RXRB: variants seen among roughly 807,000 people sequenced by gnomAD.
The protein encoded by RXRB is retinoid X receptor beta.
Under a neutral mutation model 52.5 loss-of-function variants are expected in RXRB, and 18 were observed. The observed-to-expected ratio is 0.34, with a 90% CI of 0.24 to 0.51. The LOEUF is 0.51. RXRB is among the 20% of genes least tolerant of loss of function. The pLI is 0.97. For synonymous variants in RXRB, 233 were observed against 267.1 expected (o/e 0.87, Z 1.25); for missense variants, 455 against 698.2 (o/e 0.65, Z 3.92).
rs1025086423 is a variant in RXRB at position 33,199,827 on chromosome 6, C to T, written c.236-411G>A. On this transcript the variant is annotated intron_variant, in intron 1 of 9. Coordinates refer to ENST00000374680, the MANE Select transcript of RXRB (RefSeq NM_021976.5). ...AATACCAGGTCATCCCAAAGCCACA[C>T]CTGTCTCGTGGGTGGGGCAGCACGT... The T allele has an allele frequency of 7.3e-6, 4 of 551,418 alleles. No homozygotes were observed. The East Asian group carries it at 1.2e-4, about 17-fold the overall frequency. The allele number at this position is 551,418 out of a possible 1,614,324, so 34.2% of individuals were successfully genotyped here.
At position 33,196,535 on chromosome 6, in the gene RXRB, C is replaced by T; in HGVS notation, c.892G>A (p.Glu298Lys). The T allele has an allele frequency of 6.2e-7, 1 of 1,612,944 alleles. No individual in the cohort carries two copies. The highest frequency in any genetic ancestry group is 8.5e-7 in the Non-Finnish European group (1 of 1,179,922). ...DGEGAGGAPE[E>K]MPVDRILEAE... ...TCCAGGATCCTGTCCACAGGCATCTCCTCGGGGGCTCCCCCAGCCCCCTCC... is the reference window on the plus strand; with the variant it reads ...TCCAGGATCCTGTCCACAGGCATCTTCTCGGGGGCTCCCCCAGCCCCCTCC... The change falls in exon 5 of 10, where the codon GAG becomes AAG. Residue 298 changes from glutamate to lysine, a missense_variant. Glu to Lys is a moderately conservative substitution (Grantham distance 56, BLOSUM62 1). This residue lies in a region of RXRB where 100 missense variants were observed against 141.9 expected (regional missense o/e 0.70). Transcript: ENST00000374680. This position sits in a 1 kb window ranked among gnomAD's most constrained non-coding sequence, Gnocchi z 4.0.
At position 33,195,473 on chromosome 6, in the gene RXRB, GTCAC is replaced by G; in HGVS notation, c.1257-23_1257-20del. ...CAGCACCCTGGAGAGGGACCTGCAG[GTCAC>G]TCAAAGGTCACAGCTCAGCCAGCCT... On this transcript the variant is annotated intron_variant, in intron 7 of 9. Transcript: ENST00000374680. The surrounding 1 kb of genome is among the most constrained non-coding windows in gnomAD (Gnocchi z 8.6). 1.9e-6 allele frequency: 3 copies of G among 1,612,044 alleles called. No homozygotes were observed. The highest frequency in any genetic ancestry group is 2.5e-6 in the Non-Finnish European group (3 of 1,179,110).
At position 33,194,697 on chromosome 6, in the gene RXRB, G is replaced by A. The variant is rs745691929; in HGVS notation, c.1587C>T (p.Pro529=). 1 of 1,613,048 alleles carries A rather than the reference G, an allele frequency of 6.2e-7. No homozygotes were observed. The highest frequency in any genetic ancestry group is 1.1e-5 in the South Asian group (1 of 91,074). ...GGGTCTGAGCTCAGGCCAGTTGATG[G>A]GGAGCCTCAAGCATCTCCATGAGGA... The part of the protein sequence containing the change: ...DTFLMEMLEA[P]HQLA The change falls in exon 10 of 10, where the codon CCC becomes CCT. Residue 529 remains proline (P), a synonymous_variant. Transcript: ENST00000374680. This position sits in a 1 kb window ranked among gnomAD's most constrained non-coding sequence, Gnocchi z 4.1.
Position 33,198,649 on chromosome 6 carries a change from GC to G in RXRB, c.484-186del, listed in dbSNP as rs370827892. 2,483 of 713,548 alleles carry G rather than the reference GC, an allele frequency of 3.5e-3. 53 individuals carry two copies. The highest frequency in any genetic ancestry group is 0.032 in the South Asian group (2,153 of 67,262). The allele number at this position is 713,548 out of a possible 1,614,324, so 44.2% of individuals were successfully genotyped here. On this transcript the variant is annotated intron_variant, in intron 2 of 9. Transcript: ENST00000374680. ...GCACAACCCCAAAGTGAATAAACAG[GC>G]CCCCCCTGAAATTGTGCAACACAGT...
In RXRB at chr6:33,195,349, A is replaced by T. The variant is rs763357097; in HGVS notation, c.1348+14T>A. 11 of 1,553,800 alleles carry T rather than the reference A, an allele frequency of 7.1e-6. No homozygotes were observed. Among genetic ancestry groups the T allele is most frequent in the Admixed American group, 5.0e-5 (3 of 59,942 alleles). On this transcript the variant is annotated intron_variant, in intron 8 of 9. Transcript: ENST00000374680. The surrounding 1 kb of genome is among the most constrained non-coding windows in gnomAD (Gnocchi z 8.6). ...TGCCTTGGCCTTGAGAGACAAAGGT[A>T]ATCCTCCTCTTACCTGGATTAAACA...
In RXRB at chr6:33,200,003, T is replaced by C. The variant is rs536734815; in HGVS notation, c.235+239A>G. 171 of 772,752 alleles carry C rather than the reference T, an allele frequency of 2.2e-4. 1 individual carries two copies. The highest frequency in any genetic ancestry group is 2.1e-3 in the South Asian group (156 of 73,964). 47.9% of individuals were successfully genotyped at this position (772,752 alleles called of 1,614,324 possible). On this transcript the variant is annotated intron_variant, in intron 1 of 9. Transcript: ENST00000374680. The surrounding 1 kb of genome is among the most constrained non-coding windows in gnomAD (Gnocchi z 6.3). ...TGAGGTTTAAGAGGAATCGTGCCCT[T>C]CCCAGGCCCGCGACCTCCGGTGCCC... is the stretch of plus-strand genomic sequence containing the variant.
Position 33,194,245 on chromosome 6 carries a change from C to T in RXRB, c.*437G>A, listed in dbSNP as rs1260314341. 1 of 158,462 alleles carries T rather than the reference C, an allele frequency of 6.3e-6. No individual in the cohort carries two copies. The highest frequency in any genetic ancestry group is 1.8e-4 in the East Asian group (1 of 5,416). The allele number at this position is 158,462 out of a possible 1,614,324, so 9.8% of individuals were successfully genotyped here. ...TTGAGAGGAGGAAGGCCTGTCAGGG[C>T]CCTACTCTCATGTCCATCAGCTTGG... On this transcript the variant is annotated 3_prime_UTR_variant, in exon 10 of 10. Transcript: ENST00000374680. This position sits in a 1 kb window ranked among gnomAD's most constrained non-coding sequence, Gnocchi z 4.1.
chr6:33,200,057 G>C lies in RXRB; in HGVS notation c.235+185C>G. The C allele has an allele frequency of 1.1e-6, 1 of 914,214 alleles. No homozygotes were observed. The highest frequency in any genetic ancestry group is 1.6e-5 in the African/African-American group (1 of 61,984). 56.6% of individuals were successfully genotyped at this position (914,214 alleles called of 1,614,324 possible). A position where few individuals can be genotyped will look rare whatever the true frequency, so the allele number is the denominator to read the frequency against. ...GCCTCAAGCGGTCACAGCTAGGAGGGCGGAAGCTCCCCTTCCCCGCCCCGC... is the reference window on the plus strand; with the variant it reads ...GCCTCAAGCGGTCACAGCTAGGAGGCCGGAAGCTCCCCTTCCCCGCCCCGC... On this transcript the variant is annotated intron_variant, in intron 1 of 9. Transcript: ENST00000374680. The surrounding 1 kb of genome is among the most constrained non-coding windows in gnomAD (Gnocchi z 6.3).
chr6:33,197,748 G>A lies in RXRB; in HGVS notation c.820+14C>T, dbSNP rs1222696348. Reference sequence around the variant, plus strand: ...GCATGTGGTCTAAGACGCCTGGGCAGGGCGGGTCCTTACCCTCCCTCTTCA... The same window carrying A: ...GCATGTGGTCTAAGACGCCTGGGCAAGGCGGGTCCTTACCCTCCCTCTTCA... On this transcript the variant is annotated intron_variant, in intron 4 of 9. Transcript: ENST00000374680. This position sits in a 1 kb window ranked among gnomAD's most constrained non-coding sequence, Gnocchi z 4.4. The A allele has an allele frequency of 6.2e-7, 1 of 1,613,366 alleles. No homozygotes were observed. Among genetic ancestry groups the A allele is most frequent in the Non-Finnish European group, 8.5e-7 (1 of 1,179,766 alleles).
At chr6:33,198,913 CAAAAAAAAAAA>C (rs9280361) in intron 2 of RXRB, among the ~76,000 whole-genome samples, 1 of 74,126 alleles carries the variant, frequency 1.3e-5, no homozygotes, top group Non-Finnish European at 2.7e-5. Context: ...GACTCCATCT[CAAAAAAAAAAA>C]AAAAAAAAAA....
chr6:33,195,181 G>C lies in RXRB; in HGVS notation c.1349-131C>G. Reference sequence around the variant, plus strand: ...GCCCTTTACCAGAGGCCTGGCAAGGGAAGCAGGGCCCACTGGGTTTGTGGG... The same window carrying C: ...GCCCTTTACCAGAGGCCTGGCAAGGCAAGCAGGGCCCACTGGGTTTGTGGG... On this transcript the variant is annotated intron_variant, in intron 8 of 9. Transcript: ENST00000374680. The surrounding 1 kb of genome is among the most constrained non-coding windows in gnomAD (Gnocchi z 8.6). The C allele has an allele frequency of 2.5e-6, 2 of 796,630 alleles. No homozygotes were observed. The highest frequency in any genetic ancestry group is 4.2e-6 in the Non-Finnish European group (2 of 472,014). 49.3% of individuals were successfully genotyped at this position (796,630 alleles called of 1,614,324 possible).
Position 33,199,219 on chromosome 6 carries a change from G to C in RXRB, c.433C>G (p.Leu145Val). 1 of 1,260,104 alleles carries C rather than the reference G, an allele frequency of 7.9e-7. No individual in the cohort carries two copies. The highest frequency in any genetic ancestry group is 1.0e-6 in the Non-Finnish European group (1 of 994,992). The allele number at this position is 1,260,104 out of a possible 1,614,324, so 78.1% of individuals were successfully genotyped here. ...VISSSMGSPG[L>V]PPPAPPGFSG... is the part of the protein sequence containing the mutation. ...AATCCTGGGGGAGCTGGAGGGGGCA[G>C]ACCAGGGGACCCCATGGAAGAACTG... is the stretch of plus-strand genomic sequence containing the variant. Residue 145 changes from leucine to valine, a missense_variant, in exon 2 of 10, where the codon CTG becomes GTG. By Grantham distance (32) the Leu-to-Val change is conservative. This residue lies in a region of RXRB where 225 missense variants were observed against 258.6 expected (regional missense o/e 0.87). Coordinates refer to ENST00000374680, the MANE Select transcript of RXRB (RefSeq NM_021976.5).
In RXRB at chr6:33,193,669, A is replaced by T. The variant is rs542881758; in HGVS notation, c.*1013T>A. 58 of 152,268 alleles carry T rather than the reference A, an allele frequency of 3.8e-4. No homozygotes were observed. The highest frequency in any genetic ancestry group is 1.3e-3 in the African/African-American group (56 of 41,530). 9.4% of individuals were successfully genotyped at this position (152,268 alleles called of 1,614,324 possible). On this transcript the variant is annotated 3_prime_UTR_variant, in exon 10 of 10. Coordinates refer to ENST00000374680, the MANE Select transcript of RXRB (RefSeq NM_021976.5). The stretch of plus-strand genomic sequence containing the variant: ...GCCCCAAAGAGAAGGGACGCAGGGC[A>T]AAAATCATGCAGCCCCAGCACCCCA...
Position 33,195,040 on chromosome 6 carries a change from G to C in RXRB, c.1359C>G (p.Gly453=). Residue 453 remains glycine, a synonymous_variant, in exon 9 of 10, where the codon GGC becomes GGG. Transcript: ENST00000374680. The surrounding 1 kb of genome is among the most constrained non-coding windows in gnomAD (Gnocchi z 8.6). ...CCTCCACCTCACTAGGGTTGGAGAG[G>C]CCCTTGGCATCTGGGATGGCAGGGA... ...AIILFNPDAK[G]LSNPSEVEVL... 3 of 1,610,952 alleles carry C rather than the reference G, an allele frequency of 1.9e-6. No homozygotes were observed. Among genetic ancestry groups the C allele is most frequent in the Non-Finnish European group, 2.5e-6 (3 of 1,178,254 alleles).
In RXRB at chr6:33,200,449, G is replaced by A. The variant is rs1321129139; in HGVS notation, c.28C>T (p.Leu10Phe). The change falls in exon 1 of 10, where the codon CTC becomes TTC. Residue 10 changes from leucine (L) to phenylalanine (F), a missense_variant. Physicochemically the swap from Leu to Phe is conservative, Grantham distance 22 (BLOSUM62 0). Transcript: ENST00000374680. This position sits in a 1 kb window ranked among gnomAD's most constrained non-coding sequence, Gnocchi z 6.3. MSWAARPPF[L>F]PQRHAAGQCG... ...TGCCCTGCGGCATGCCGCTGAGGGA[G>A]GAAGGGCGGGCGAGCGGCCCAAGAC... is the stretch of plus-strand genomic sequence containing the variant. 2 of 1,592,996 alleles carry A rather than the reference G, an allele frequency of 1.3e-6. No individual in the cohort carries two copies. Among genetic ancestry groups the A allele is most frequent in the African/African-American group, 2.7e-5 (2 of 74,776 alleles).
intron 3 of RXRB, 148 bp from the exon 4 acceptor site, chr6:33,198,089 G>A: frequency 1.9e-6 from 2 of 1,042,044 alleles, no homozygotes; most frequent in South Asian, 3.0e-5. Context: ...TGATGATCCA[G>A]TCCCAGTCTC....
chr6:33,195,724 A>G lies in RXRB; in HGVS notation c.1124-22T>C. ...CAGCCTGGGTGGGGCAGCAAGGGTC[A>G]GGAGCCAGAAATCAGGCCAAGGGAT... On this transcript the variant is annotated intron_variant, in intron 6 of 9. Coordinates refer to ENST00000374680, the MANE Select transcript of RXRB (RefSeq NM_021976.5). The surrounding 1 kb of genome is among the most constrained non-coding windows in gnomAD (Gnocchi z 8.6). 1 of 1,609,780 alleles carries G rather than the reference A, an allele frequency of 6.2e-7. No individual in the cohort carries two copies. Among genetic ancestry groups the G allele is most frequent in the Non-Finnish European group, 8.5e-7 (1 of 1,179,608 alleles).
rs1212665223 is a variant in RXRB at position 33,197,279 on chromosome 6, A to G, written c.820+483T>C. ...GGGTGTTTTGACCAAGATATGCTCT[A>G]AAGTGTCTCTCAGAATCCTAGGAAT... On this transcript the variant is annotated intron_variant, in intron 4 of 9. Coordinates refer to ENST00000374680, the MANE Select transcript of RXRB (RefSeq NM_021976.5). The surrounding 1 kb of genome is among the most constrained non-coding windows in gnomAD (Gnocchi z 4.4). Among the ~76,000 whole-genome samples, 1 of 152,232 alleles carries G rather than the reference A, an allele frequency of 6.6e-6. No homozygotes were observed. The highest frequency in any genetic ancestry group is 2.4e-5 in the African/African-American group (1 of 41,460).
At position 33,194,854 on chromosome 6, in the gene RXRB, A is replaced by T; in HGVS notation, c.1455-25T>A. The T allele has an allele frequency of 6.2e-7, 1 of 1,612,306 alleles. No individual in the cohort carries two copies. The highest frequency in any genetic ancestry group is 8.5e-7 in the Non-Finnish European group (1 of 1,179,632). On this transcript the variant is annotated intron_variant, in intron 9 of 9. Transcript: ENST00000374680. The surrounding 1 kb of genome is among the most constrained non-coding windows in gnomAD (Gnocchi z 4.1). The stretch of plus-strand genomic sequence containing the variant: ...CCTGGGGTGGAGGTGGGAGAAGGGG[A>T]TTGAGAGCTGGAAGCACACGGGCCC...
Sources: allele counts gnomAD v4.1 joint callset (sites outside exome capture counted in the v4.1 genomes callset), GRCh38; gene constraint gnomAD v4.1.1; regional missense constraint gnomAD v4.1.1; non-coding constraint Gnocchi (gnomAD v3.1); transcripts MANE v1.5; gene names NCBI Gene and HGNC (gene_info 2026-07-23, HGNC 2026-07-21).